LY6G6C: variants seen among roughly 807,000 people sequenced by gnomAD.
LY6G6C encodes lymphocyte antigen 6 complex locus protein G6c.
In LY6G6C, 12 loss-of-function variants were observed where a neutral mutation model predicts 12.8. The observed-to-expected ratio is 0.94, with a 90% CI of 0.60 to 1.52. The LOEUF (loss-of-function observed/expected upper bound fraction) is 1.52. LY6G6C is among the 40% of genes most tolerant of loss of function. LY6G6C has a pLI of 0.00. For missense variants in LY6G6C, 125 were observed against 155.8 expected, an observed-to-expected ratio of 0.80 and a Z score of 1.05; for synonymous variants, 42 against 61.6, an observed-to-expected ratio of 0.68 and a Z score of 1.49.
chr6:31,719,562 A>T (rs1019058129), intron 2 of LY6G6C, among the ~76,000 whole-genome samples: 1 of 152,070 alleles, frequency 6.6e-6, no homozygotes, highest in Non-Finnish European at 1.5e-5. Context: ...TTTCCAAGAC[A>T]GAGTCTCACT....
Position 31,720,343 on chromosome 6 carries a change from C to A in LY6G6C, c.53-140G>T. ...CTGTTTGGCTGTTTGGTCTAGCAAG[C>A]ACAGAGCAGGTGAGTGATGCAGGGA... On this transcript the variant is annotated intron_variant, in intron 1 of 2. Transcript: ENST00000375819. The surrounding 1 kb of genome is among the most constrained non-coding windows in gnomAD (Gnocchi z 4.9). The A allele has an allele frequency of 1.6e-6, 1 of 628,208 alleles. No individual in the cohort carries two copies. Among genetic ancestry groups the A allele is most frequent in the Non-Finnish European group, 2.9e-6 (1 of 347,886 alleles). The allele number at this position is 628,208 out of a possible 1,614,324, so 38.9% of individuals were successfully genotyped here. A position where few individuals can be genotyped will look rare whatever the true frequency, so the allele number is the denominator to read the frequency against.
Position 31,719,028 on chromosome 6 carries a change from T to C in LY6G6C, c.*68A>G. The C allele has an allele frequency of 2.2e-6, 3 of 1,337,556 alleles. No homozygotes were observed. Among genetic ancestry groups the C allele is most frequent in the Non-Finnish European group, 3.2e-6 (3 of 940,018 alleles). 82.9% of individuals were successfully genotyped at this position (1,337,556 alleles called of 1,614,324 possible). A position where few individuals can be genotyped will look rare whatever the true frequency, so the allele number is the denominator to read the frequency against. The stretch of plus-strand genomic sequence containing the variant: ...GAGACGATTCTGTAAAGCCAGGGGA[T>C]ACAGAGACACAGGGAGAGAGGCTCA... On this transcript the variant is annotated 3_prime_UTR_variant, in exon 3 of 3. Coordinates refer to ENST00000375819, the MANE Select transcript of LY6G6C (RefSeq NM_025261.3).
At chr6:31,719,743 G>A (rs1583806705) in intron 2 of LY6G6C, among the ~76,000 whole-genome samples, 1 of 152,112 alleles carries the variant, frequency 6.6e-6, no homozygotes, top group East Asian at 1.9e-4. Flanking sequence ...CACCATGTTG[G>A]CCAGGCTGGT....
In LY6G6C at chr6:31,718,891, GGA is replaced by G; in HGVS notation, c.*203_*204del. 1.7e-6 allele frequency: 1 copy of G among 587,264 alleles called. No individual in the cohort carries two copies. The highest frequency in any genetic ancestry group is 2.2e-5 in the South Asian group (1 of 45,246). 36.4% of individuals were successfully genotyped at this position (587,264 alleles called of 1,614,324 possible). A position where few individuals can be genotyped will look rare whatever the true frequency, so the allele number is the denominator to read the frequency against. On this transcript the variant is annotated 3_prime_UTR_variant, in exon 3 of 3. Transcript: ENST00000375819. ...CCTTCTAGGAGCCAATGGAGGTCCT[GGA>G]AGGAAGTGGGAAGGGACCCAGAAAA...
rs1259995629 is a variant in LY6G6C at position 31,720,175 on chromosome 6, C to G, written c.81G>C (p.Lys27Asn). 2 of 1,613,038 alleles carry G rather than the reference C, an allele frequency of 1.2e-6. No homozygotes were observed. The highest frequency in any genetic ancestry group is 1.7e-6 in the Non-Finnish European group (2 of 1,179,936). ...GGTCCACACAGCCCAGCACAGGGAC[C>G]TTGTAGCAGGAGTGACAGCGAATGT... The part of the protein sequence containing the change: ...SADIRCHSCY[K>N]VPVLGCVDRQ... The change falls in exon 2 of 3, where the codon AAG becomes AAC. Residue 27 changes from lysine (K) to asparagine (N), a missense_variant. Physicochemically the swap from Lys to Asn is moderately conservative, Grantham distance 94 (BLOSUM62 0). Transcript: ENST00000375819. The surrounding 1 kb of genome is among the most constrained non-coding windows in gnomAD (Gnocchi z 4.9).
Position 31,718,854 on chromosome 6 carries a change from A to AC in LY6G6C, c.*241_*242insG, listed in dbSNP as rs1476754315. 1 of 573,028 alleles carries AC rather than the reference A, an allele frequency of 1.7e-6. No homozygotes were observed. The highest frequency in any genetic ancestry group is 2.8e-5 in the East Asian group (1 of 35,868). 35.5% of individuals were successfully genotyped at this position (573,028 alleles called of 1,614,324 possible). ...TAGGGGACAGCAGAGTATAGGAAGC[A>AC]AAGTGGGGAGCCCTTCTAGGAGCCA... On this transcript the variant is annotated 3_prime_UTR_variant, in exon 3 of 3. Transcript: ENST00000375819.
chr6:31,719,880 A>G (rs545175874), intron 2 of LY6G6C, among the ~76,000 whole-genome samples: 1 of 152,294 alleles, frequency 6.6e-6, no homozygotes, highest in East Asian at 1.9e-4. Flanking sequence ...GTATAATAAT[A>G]GCACCCACAT....
Position 31,721,620 on chromosome 6 carries a change from G to C in LY6G6C, c.52+8C>G, listed in dbSNP as rs370881879. 3.9e-5 allele frequency: 63 copies of C among 1,613,552 alleles called. No individual in the cohort carries two copies. In the Middle Eastern group the frequency reaches 4.2e-3, roughly 107 times the overall value. ...CAAACCAGGTCTTTGGGGCCCCCAG[G>C]TGCTCACCTGAGACCCAGCAGAGCA... is the stretch of plus-strand genomic sequence containing the variant. On this transcript the variant is annotated splice_region_variant and intron_variant, in intron 1 of 2. Transcript: ENST00000375819.
At chr6:31,721,274 T>TA (rs892075092) in intron 1 of LY6G6C, among the ~76,000 whole-genome samples, 5 of 152,054 alleles carry the variant, frequency 3.3e-5, no homozygotes, top group Non-Finnish European at 7.4e-5. Flanking sequence ...AGAAGGCAGG[T>TA]AAGCTAGACT....
At position 31,720,081 on chromosome 6, in the gene LY6G6C, A is replaced by AG. The variant is rs2151294241; in HGVS notation, c.163+11dup. ...ACCTCCCTGTTCACCCCACTAAGGA[A>AG]GGGGATGTTACCAAGGTATGCATGT... On this transcript the variant is annotated intron_variant, in intron 2 of 2. Coordinates refer to ENST00000375819, the MANE Select transcript of LY6G6C (RefSeq NM_025261.3). This position sits in a 1 kb window ranked among gnomAD's most constrained non-coding sequence, Gnocchi z 4.9. The AG allele has an allele frequency of 1.9e-6, 3 of 1,593,262 alleles. No individual in the cohort carries two copies. The East Asian group carries it at 6.7e-5, about 36-fold the overall frequency.
In LY6G6C at chr6:31,718,748, G is replaced by A. The variant is rs1298167009; in HGVS notation, c.*348C>T. On this transcript the variant is annotated 3_prime_UTR_variant, in exon 3 of 3. Coordinates refer to ENST00000375819, the MANE Select transcript of LY6G6C (RefSeq NM_025261.3). ...TGGGGAGTCAGCTCTGTACAGTGAG[G>A]TCATCAGGTCCTTGTGGGAGCCTTC... 2.0e-5 allele frequency: 8 copies of A among 397,504 alleles called. No individual in the cohort carries two copies. Among genetic ancestry groups the A allele is most frequent in the Non-Finnish European group, 3.2e-5 (7 of 219,370 alleles). The allele number at this position is 397,504 out of a possible 1,614,324, so 24.6% of individuals were successfully genotyped here.
chr6:31,719,349 C>T, intron 2 of LY6G6C, 39 bp from the exon 3 acceptor site: 2 of 1,572,206 alleles, frequency 1.3e-6, no homozygotes, highest in Non-Finnish European at 1.8e-6. Context: ...CCAGGATGGG[C>T]ACCTGGCATG....
Position 31,720,362 on chromosome 6 carries a change from G to A in LY6G6C, c.53-159C>T, listed in dbSNP as rs1806716412. Among the ~76,000 whole-genome samples the A allele has an allele frequency of 6.6e-6, 1 of 152,216 alleles. No individual in the cohort carries two copies. The highest frequency in any genetic ancestry group is 2.1e-4 in the South Asian group (1 of 4,834). On this transcript the variant is annotated intron_variant, in intron 1 of 2. Transcript: ENST00000375819. The surrounding 1 kb of genome is among the most constrained non-coding windows in gnomAD (Gnocchi z 4.9). ...AGCAAGCACAGAGCAGGTGAGTGAT[G>A]CAGGGAAAATGGAAAGTGGGCGGCA...
chr6:31,719,417 GT>G (rs1806664741), intron 2 of LY6G6C, 107 bp from the exon 3 acceptor site: 5 of 884,900 alleles, frequency 5.7e-6, no homozygotes, highest in Non-Finnish European at 9.2e-6. Flanking sequence ...TCCCAACTCT[GT>G]CCCTGGCCCT....
rs1364372843 is a variant in LY6G6C, at chr6:31,720,814, C to A, written c.53-611G>T. ...ACCTGAGAGACAGATCACCAGATTC[C>A]ATCTTAGCACCTTATCAAAATGGAG... is the stretch of plus-strand genomic sequence containing the variant. On this transcript the variant is annotated intron_variant, in intron 1 of 2. Transcript: ENST00000375819. The surrounding 1 kb of genome is among the most constrained non-coding windows in gnomAD (Gnocchi z 4.9). 6.6e-6 allele frequency: 1 copy of A among 152,270 alleles called. No individual in the cohort carries two copies. The highest frequency in any genetic ancestry group is 1.5e-5 in the Non-Finnish European group (1 of 68,116). 9.4% of individuals were successfully genotyped at this position (152,270 alleles called of 1,614,324 possible). A position where few individuals can be genotyped will look rare whatever the true frequency, so the allele number is the denominator to read the frequency against.
Position 31,719,291 on chromosome 6 carries a change from G to A in LY6G6C, c.183C>T (p.Ser61=), listed in dbSNP as rs766261466. 1.7e-5 allele frequency: 28 copies of A among 1,614,182 alleles called. No homozygotes were observed. Among genetic ancestry groups the A allele is most frequent in the Non-Finnish European group, 2.1e-5 (25 of 1,180,032 alleles). ...HAYLGKMWVF[S]NLRCGTPEEP... ...CTTCTGGTGTGCCACAGCGCAGATT[G>A]GAGAAAACCCACATCTTACCTAGGG... is the stretch of plus-strand genomic sequence containing the variant. The change falls in exon 3 of 3, where the codon TCC becomes TCT. Residue 61 remains serine, a synonymous_variant. Coordinates refer to ENST00000375819, the MANE Select transcript of LY6G6C (RefSeq NM_025261.3).
In LY6G6C at chr6:31,720,605, A is replaced by G. The variant is rs1362478837; in HGVS notation, c.53-402T>C. 6.6e-6 allele frequency among the ~76,000 whole-genome samples: 1 copy of G among 152,188 alleles called. No individual in the cohort carries two copies. Among genetic ancestry groups the G allele is most frequent in the Non-Finnish European group, 1.5e-5 (1 of 68,028 alleles). On this transcript the variant is annotated intron_variant, in intron 1 of 2. Transcript: ENST00000375819. The surrounding 1 kb of genome is among the most constrained non-coding windows in gnomAD (Gnocchi z 4.9). ...AGGAGAAATAATAAAAATGAAAATC[A>G]TGAGGGTTACAACACTGTCAGAAAT...
At position 31,719,142 on chromosome 6, in the gene LY6G6C, A is replaced by G. The variant is rs1223027209; in HGVS notation, c.332T>C (p.Val111Ala). The change falls in exon 3 of 3, where the codon GTC (valine) becomes GCC (alanine). Residue 111 changes from valine to alanine, a missense_variant. Val to Ala is a moderately conservative substitution (Grantham distance 64). Transcript: ENST00000375819. Reference protein sequence around the residue: ...GPRPTPALGLVFLTSLAGLGL... With the variant: ...GPRPTPALGLAFLTSLAGLGL... Reference sequence around the variant, plus strand: ...AAGGCCAGCCAAGGAGGTAAGGAAGACAAGGCCCAGGGCTGGAGTGGGCCG... The same window carrying G: ...AAGGCCAGCCAAGGAGGTAAGGAAGGCAAGGCCCAGGGCTGGAGTGGGCCG... 1 of 1,614,152 alleles carries G rather than the reference A, an allele frequency of 6.2e-7. No homozygotes were observed. The highest frequency in any genetic ancestry group is 2.2e-5 in the East Asian group (1 of 44,888).
rs773001820 is a variant in LY6G6C, at chr6:31,719,281, AGC to A, written c.191_192del (p.Arg64LeufsTer24). 4 of 1,614,176 alleles carry A rather than the reference AGC, an allele frequency of 2.5e-6. No homozygotes were observed. The highest frequency in any genetic ancestry group is 2.5e-6 in the Non-Finnish European group (3 of 1,180,024). On this transcript the variant is annotated frameshift_variant, in exon 3 of 3. Coordinates refer to ENST00000375819, the MANE Select transcript of LY6G6C (RefSeq NM_025261.3). LOFTEE classifies it high-confidence loss of function. The part of the protein sequence containing the change: ...LGKMWVFSNL[R>X]CGTPEEPCQE... ...TGACAGGGCTCTTCTGGTGTGCCACAGCGCAGATTGGAGAAAACCCACATCTT... is the reference window on the plus strand; with the variant it reads ...TGACAGGGCTCTTCTGGTGTGCCACAGCAGATTGGAGAAAACCCACATCTT...
Sources: gnomAD v4.1 joint callset for allele counts (sites outside exome capture counted in the v4.1 genomes callset) on GRCh38, gnomAD v4.1.1 for gene constraint, Gnocchi (gnomAD v3.1) non-coding constraint, MANE v1.5 for transcripts, NCBI Gene and HGNC (gene_info 2026-07-23, HGNC 2026-07-21) for gene names.